ITGAE: variants seen among roughly 807,000 people sequenced by gnomAD.
The protein encoded by ITGAE is integrin subunit alpha E.
In ITGAE, 99 loss-of-function variants were observed where a neutral mutation model predicts 136.5. The observed-to-expected ratio is 0.73, with a 90% CI of 0.62 to 0.86. ITGAE has a LOEUF of 0.86. Ranked by LOEUF, ITGAE falls within the 40% of genes least tolerant of loss-of-function variation. The probability of loss-of-function intolerance (pLI) is 0.00; values close to 1 mark genes in which losing one functional copy is unlikely to be tolerated. For missense variants in ITGAE, 1,447 were observed against 1,515.3 expected (o/e 0.95, Z 0.75); for synonymous variants, 613 against 591.8 (o/e 1.04, Z -0.52).
At chr17:3,736,880 G>T (rs777036316) in intron 20 of ITGAE, among the ~76,000 whole-genome samples, 1 of 152,066 alleles carries the variant, frequency 6.6e-6, no homozygotes, top group South Asian at 2.1e-4. Context: ...CCATTGTTTG[G>T]TTTTGGTTTG....
chr17:3,725,615 C>G, intron 26 of ITGAE: 1 of 1,613,630 alleles, frequency 6.2e-7, no homozygotes, highest in African/African-American at 1.3e-5. Context: ...TCGGGCTGAA[C>G]TCAGTGCACT....
Position 3,739,844 on chromosome 17 carries a change from A to G in ITGAE, c.2483T>C (p.Phe828Ser), listed in dbSNP as rs1474175807. 6 of 1,614,140 alleles carry G rather than the reference A, an allele frequency of 3.7e-6. No individual in the cohort carries two copies. The South Asian group carries it at 6.6e-5, about 18-fold the overall frequency. The change falls in exon 20 of 31, where the codon TTT (phenylalanine) becomes TCT (serine). Residue 828 changes from phenylalanine to serine, a missense_variant. Phe to Ser is a radical substitution (Grantham distance 155). Transcript: ENST00000263087. ...GGCCAACTGTAATTCTGCGACACAA[A>G]ACAGCTTATTCTTGCAGGCCTTCTC... ...PYEKACKNKL[F>S]CVAELQLATT...
At chr17:3,735,754 C>T (rs1221432983) in intron 20 of ITGAE, among the ~76,000 whole-genome samples, 1 of 152,212 alleles carries the variant, frequency 6.6e-6, no homozygotes, top group Non-Finnish European at 1.5e-5. Flanking sequence ...AATAGCTGCC[C>T]TTTATTTAGT....
chr17:3,800,898 G>C (rs922716444), intron 1 of ITGAE, among the ~76,000 whole-genome samples: 2 of 152,224 alleles, frequency 1.3e-5, no homozygotes, highest in Non-Finnish European at 2.9e-5. Flanking sequence ...CTGGCTGACA[G>C]AACTGGCAAC....
At chr17:3,746,751 C>G (rs970931814) in intron 17 of ITGAE, among the ~76,000 whole-genome samples, 1 of 152,138 alleles carries the variant, frequency 6.6e-6, no homozygotes, top group Admixed American at 6.6e-5. Flanking sequence ...TGTCACCACA[C>G]CTGGCTAATT....
chr17:3,743,969 C>T (rs1448260919), intron 18 of ITGAE, among the ~76,000 whole-genome samples: 4 of 150,932 alleles, frequency 2.7e-5, no homozygotes, highest in Non-Finnish European at 5.9e-5. Flanking sequence ...TCCCAAAATG[C>T]TGGGATTATA....
intron 26 of ITGAE, chr17:3,725,125 C>A: frequency 1.2e-6 from 2 of 1,614,212 alleles, no homozygotes; most frequent in Non-Finnish European, 1.7e-6. Context: ...AAAATTGTGA[C>A]TGATGTGTCA....
At chr17:3,719,743 T>A (rs2051012774) in intron 29 of ITGAE, among the ~76,000 whole-genome samples, 1 of 152,218 alleles carries the variant, frequency 6.6e-6, no homozygotes, top group South Asian at 2.1e-4. Context: ...TTATTTATTT[T>A]TTGAGACTGA....
At chr17:3,729,626 G>C in intron 23 of ITGAE, 71 bp from the exon 24 acceptor site, 2 of 1,003,692 alleles carry the variant, frequency 2.0e-6, no homozygotes, top group South Asian at 2.6e-5. Flanking sequence ...AAAGGGCTTC[G>C]CTCTGTTGCC....
intron 2 of ITGAE, among the ~76,000 whole-genome samples, chr17:3,770,545 G>T (rs183670175): frequency 1.3e-5 from 2 of 152,176 alleles, no homozygotes; most frequent in East Asian, 1.9e-4. Flanking sequence ...ATGTGAGTGA[G>T]AGGCACACGT....
chr17:3,729,493 A>G lies in ITGAE; in HGVS notation c.2897T>C (p.Val966Ala), dbSNP rs1442948755. The change falls in exon 24 of 31, where the codon GTT becomes GCT. Residue 966 changes from valine to alanine, a missense_variant. This residue lies in a region of ITGAE where 1,031 missense variants were observed against 1,011.4 expected (regional missense o/e 1.02). Coordinates refer to ENST00000263087, the MANE Select transcript of ITGAE (RefSeq NM_002208.5). ...GAGTACTCACTTGGACAGAACTGCAACGAAGCCATGCCTGAATTGAAGGGT... is the reference window on the plus strand; with the variant it reads ...GAGTACTCACTTGGACAGAACTGCAGCGAAGCCATGCCTGAATTGAAGGGT... The part of the protein sequence containing the change: ...THTLQFRHGF[V>A]AVLSKPSIMY... 5.0e-6 allele frequency: 8 copies of G among 1,610,962 alleles called. No individual in the cohort carries two copies. The highest frequency in any genetic ancestry group is 3.3e-5 in the Admixed American group (2 of 59,996).
chr17:3,737,532 G>A (rs561843219), intron 20 of ITGAE, among the ~76,000 whole-genome samples: 2 of 152,116 alleles, frequency 1.3e-5, no homozygotes, highest in Non-Finnish European at 2.9e-5. Context: ...AAGAAGATGC[G>A]TTCAATCGGG....
chr17:3,758,352 C>T (rs1288479791), intron 8 of ITGAE, among the ~76,000 whole-genome samples: 9 of 151,428 alleles, frequency 5.9e-5, no homozygotes, highest in Non-Finnish European at 1.3e-4. Context: ...CTCAAGCAAT[C>T]CTCCTGCCTC....
At chr17:3,779,211 G>A (rs865899151) in intron 1 of ITGAE, among the ~76,000 whole-genome samples, 6 of 152,156 alleles carry the variant, frequency 3.9e-5, no homozygotes, top group Non-Finnish European at 8.8e-5. Context: ...CTTAGAATTT[G>A]TGCATGTCAC....
At chr17:3,747,816 C>A (rs927986412) in intron 17 of ITGAE, 106 bp downstream of exon 17, 9 of 401,716 alleles carry the variant, frequency 2.2e-5, no homozygotes, top group African/African-American at 1.0e-4. Flanking sequence ...GACCTCAGAC[C>A]AACACCCACC....
At chr17:3,716,089 G>C (rs2050937144) in intron 30 of ITGAE, among the ~76,000 whole-genome samples, 2 of 151,886 alleles carry the variant, frequency 1.3e-5, no homozygotes, top group African/African-American at 4.8e-5. Flanking sequence ...CCCGGGGTCA[G>C]GGTGGGGGGA....
At chr17:3,776,538 C>A (rs2052544154) in intron 2 of ITGAE, among the ~76,000 whole-genome samples, 1 of 152,190 alleles carries the variant, frequency 6.6e-6, no homozygotes, top group South Asian at 2.1e-4. Flanking sequence ...CTGCCAGAGC[C>A]ACAGCCTGCC....
At chr17:3,795,883 G>A (rs2053059833) in intron 1 of ITGAE, among the ~76,000 whole-genome samples, 1 of 150,244 alleles carries the variant, frequency 6.7e-6, no homozygotes, top group African/African-American at 2.5e-5. Context: ...GTGTGCGTGT[G>A]CATCCGTGTG....
In ITGAE at chr17:3,728,164, A is replaced by G; in HGVS notation, c.2917T>C (p.Ser973Pro). 1 of 1,612,170 alleles carries G rather than the reference A, an allele frequency of 6.2e-7. No individual in the cohort carries two copies. Residue 973 changes from serine (S) to proline (P), a missense_variant, in exon 25 of 31, where the codon TCC becomes CCC. By Grantham distance (74) the Ser-to-Pro change is moderately conservative (BLOSUM62 -1). Around this residue, in one of 3 missense-constraint regions of ITGAE, gnomAD observed 1,031 missense variants for 1,011.4 expected, o/e 1.02. Coordinates refer to ENST00000263087, the MANE Select transcript of ITGAE (RefSeq NM_002208.5). Reference sequence around the variant, plus strand: ...TGGCCTGTGTTCACGTACATTATGGATGGTCTGCAATTGACAGGACATGCG... The same window carrying G: ...TGGCCTGTGTTCACGTACATTATGGGTGGTCTGCAATTGACAGGACATGCG... Reference protein sequence around the residue: ...HGFVAVLSKPSIMYVNTGQGL... With the variant: ...HGFVAVLSKPPIMYVNTGQGL...
Sources: gnomAD v4.1 joint callset for allele counts (sites outside exome capture counted in the v4.1 genomes callset) on GRCh38, gnomAD v4.1.1 for gene constraint, gnomAD v4.1.1 regional missense constraint, MANE v1.5 for transcripts, NCBI Gene and HGNC (gene_info 2026-07-23, HGNC 2026-07-21) for gene names.